PICALM: variants seen among roughly 807,000 people sequenced by gnomAD.
PICALM encodes the protein phosphatidylinositol binding clathrin assembly protein, also known as phosphatidylinositol-binding clathrin assembly protein.
Under a neutral mutation model 80.5 loss-of-function variants are expected in PICALM, and 40 were observed. The ratio of observed to expected loss-of-function variants is 0.50; its 90% confidence interval spans 0.39 to 0.65. The LOEUF (loss-of-function observed/expected upper bound fraction) is 0.65. PICALM is among the 30% of genes least tolerant of loss of function. The probability of loss-of-function intolerance (pLI) is 0.00; values close to 1 mark genes in which losing one functional copy is unlikely to be tolerated. For missense variants in PICALM, 676 were observed against 778.9 expected (o/e 0.87, Z 1.57); for synonymous variants, 288 against 260.3 (o/e 1.11, Z -1.02).
chr11:85,983,605 T>C (rs1459557880), intron 14 of PICALM, among the ~76,000 whole-genome samples: 1 of 152,184 alleles, frequency 6.6e-6, no homozygotes, highest in Non-Finnish European at 1.5e-5. Flanking sequence ...CAACTTAGCA[T>C]TCTACAGAGC....
intron 19 of PICALM, among the ~76,000 whole-genome samples, chr11:85,973,952 A>G (rs1250263838): frequency 1.3e-5 from 2 of 152,212 alleles, no homozygotes; most frequent in Admixed American, 6.5e-5. Context: ...AAACCATCCT[A>G]TCACTTCACA....
intron 19 of PICALM, among the ~76,000 whole-genome samples, chr11:85,972,980 A>C (rs181452846): frequency 2.6e-5 from 4 of 152,312 alleles, no homozygotes; most frequent in African/African-American, 9.6e-5. Flanking sequence ...TACTGTAAAC[A>C]CTCATAGTCT....
In PICALM at chr11:85,958,838, T is replaced by C; in HGVS notation, c.*208A>G. ...AGATCTTAGTCTTAAATCATAGCAA[T>C]TCTTGGCTTTATAAACTGTATTGAT... is the stretch of plus-strand genomic sequence containing the variant. On this transcript the variant is annotated 3_prime_UTR_variant, in exon 20 of 20. Transcript: ENST00000393346. 2.3e-6 allele frequency: 1 copy of C among 431,332 alleles called. No homozygotes were observed. The highest frequency in any genetic ancestry group is 4.2e-6 in the Non-Finnish European group (1 of 238,320). The allele number at this position is 431,332 out of a possible 1,614,324, so 26.7% of individuals were successfully genotyped here.
Position 85,974,821 on chromosome 11 carries a change from G to C in PICALM, c.1840-9C>G. ...CTTCCCATTTGTGGAGGCTAAAAAA[G>C]AGAAAAATATCAAAAGATACTGACT... On this transcript the variant is annotated splice_polypyrimidine_tract_variant and intron_variant, in intron 18 of 19. Coordinates refer to ENST00000393346, the MANE Select transcript of PICALM (RefSeq NM_007166.4). 6.4e-7 allele frequency: 1 copy of C among 1,566,144 alleles called. No homozygotes were observed. Among genetic ancestry groups the C allele is most frequent in the Non-Finnish European group, 8.8e-7 (1 of 1,136,422 alleles).
intron 1 of PICALM, among the ~76,000 whole-genome samples, chr11:86,056,922 A>G (rs1342754067): frequency 6.6e-6 from 1 of 152,244 alleles, no homozygotes; most frequent in African/African-American, 2.4e-5. Context: ...ACAAAAGGCC[A>G]CATATTGTAT....
chr11:86,066,855 G>A (rs936708868), intron 1 of PICALM, among the ~76,000 whole-genome samples: 8 of 151,844 alleles, frequency 5.3e-5, no homozygotes, highest in African/African-American at 1.9e-4. Context: ...TTGAAGAGCC[G>A]TAAATAGCAG....
At chr11:86,036,541 C>T (rs577176858) in intron 1 of PICALM, among the ~76,000 whole-genome samples, 3 of 152,230 alleles carry the variant, frequency 2.0e-5, no homozygotes, top group East Asian at 1.9e-4. Context: ...ATATGGAACG[C>T]TGAGTACAAT....
chr11:86,056,134 T>TAAAAAAAAAAAAAAAAAAAAAAAAA (rs376759395), intron 1 of PICALM, among the ~76,000 whole-genome samples: 9 of 76,840 alleles, frequency 1.2e-4, no homozygotes, highest in Non-Finnish European at 2.1e-4. Flanking sequence ...GACTCTGTCT[T>TAAAAAAAAAAAAAAAAAAAAAAAAA]TAAAAAAAAA....
At chr11:86,068,370 G>A (rs2096477077) in intron 1 of PICALM, among the ~76,000 whole-genome samples, 1 of 152,178 alleles carries the variant, frequency 6.6e-6, no homozygotes, top group Admixed American at 6.5e-5. Context: ...CAAGTTGGTT[G>A]GGTATGATGG....
At chr11:86,056,566 T>C (rs1180005749) in intron 1 of PICALM, among the ~76,000 whole-genome samples, 3 of 152,094 alleles carry the variant, frequency 2.0e-5, no homozygotes, top group African/African-American at 4.8e-5. Context: ...TCTTCATACA[T>C]TGCTGATGGG....
intron 19 of PICALM, among the ~76,000 whole-genome samples, chr11:85,967,053 T>A (rs949181761): frequency 1.3e-5 from 2 of 152,248 alleles, no homozygotes. Context: ...TAGGAAACTA[T>A]AATATAAACT....
intron 14 of PICALM, among the ~76,000 whole-genome samples, chr11:85,983,071 T>C (rs1302305818): frequency 6.6e-6 from 1 of 152,172 alleles, no homozygotes; most frequent in African/African-American, 2.4e-5. Context: ...TACTAGTGCA[T>C]AGAAAAAAAT....
At chr11:86,043,843 T>G (rs1043212915) in intron 1 of PICALM, among the ~76,000 whole-genome samples, 20 of 152,146 alleles carry the variant, frequency 1.3e-4, no homozygotes, top group Non-Finnish European at 2.6e-4. Context: ...TCTTAAAAAT[T>G]TTTAAATTCT....
At chr11:85,985,097 C>A (rs1489528919) in intron 13 of PICALM, among the ~76,000 whole-genome samples, 1 of 152,068 alleles carries the variant, frequency 6.6e-6, no homozygotes, top group Non-Finnish European at 1.5e-5. Flanking sequence ...AAAACTACAC[C>A]ATTAGGGAGA....
intron 14 of PICALM, 151 bp from the exon 15 acceptor site, chr11:85,982,154 AAG>A (rs973060653): frequency 2.5e-5 from 16 of 646,436 alleles, no homozygotes; most frequent in Non-Finnish European, 5.4e-6. Context: ...ATGGAAAATG[AAG>A]AAAGTCACCA....
chr11:85,991,241 G>A (rs2094765744), intron 12 of PICALM, among the ~76,000 whole-genome samples: 1 of 152,050 alleles, frequency 6.6e-6, no homozygotes, highest in South Asian at 2.1e-4. Context: ...AAAATAAAAA[G>A]CAGCAAAAAT....
chr11:86,055,598 C>T (rs2096256478), intron 1 of PICALM, among the ~76,000 whole-genome samples: 1 of 152,148 alleles, frequency 6.6e-6, no homozygotes, highest in African/African-American at 2.4e-5. Flanking sequence ...AATTCCATTT[C>T]CACATTACAC....
At chr11:86,014,578 C>T (rs622220) in intron 5 of PICALM, among the ~76,000 whole-genome samples, 120,268 of 152,112 alleles carry the variant, frequency 0.79, 47,619 homozygotes, top group African/African-American at 0.81. Context: ...TGTACATTTT[C>T]AAGATCTAAA....
chr11:85,997,005 C>G (rs1169296991), intron 11 of PICALM, 76 bp from the exon 12 acceptor site: 1 of 764,238 alleles, frequency 1.3e-6, no homozygotes, highest in Non-Finnish European at 2.2e-6. Context: ...CTCCACCCAC[C>G]ACAGATAAAA....
Sources: gnomAD v4.1 joint callset for allele counts (sites outside exome capture counted in the v4.1 genomes callset) on GRCh38, gnomAD v4.1.1 for gene constraint, MANE v1.5 for transcripts, NCBI Gene and HGNC (gene_info 2026-07-23, HGNC 2026-07-21) for gene names.